Variants in CPB2 observed in about 807,000 individuals in gnomAD.
The protein encoded by CPB2 is carboxypeptidase B-like protein.
In CPB2, 54 loss-of-function variants were observed where a neutral mutation model predicts 57.0. The ratio of observed to expected loss-of-function variants is 0.95; its 90% CI spans 0.76 to 1.19. CPB2 has a LOEUF of 1.19. CPB2 is among the 50% of genes most tolerant of loss of function. CPB2 has a pLI of 0.00. For missense variants in CPB2, 426 were observed against 512.0 expected (o/e 0.83, Z 1.62); for synonymous variants, 189 against 178.1 (o/e 1.06, Z -0.49).
intron 5 of CPB2, among the ~76,000 whole-genome samples, chr13:46,074,474 C>T (rs114929681): frequency 5.9e-5 from 9 of 152,250 alleles, no homozygotes; most frequent in African/African-American, 2.2e-4. Context: ...AAGAAGCACA[C>T]ATCTAACCTC....
chr13:46,090,479 C>T (rs2045276243), intron 1 of CPB2, among the ~76,000 whole-genome samples: 1 of 151,080 alleles, frequency 6.6e-6, no homozygotes, highest in Admixed American at 6.6e-5. Flanking sequence ...TCTCCTGACT[C>T]GGCCTCCTGA....
chr13:46,076,519 C>T (rs898719960), intron 5 of CPB2, among the ~76,000 whole-genome samples: 8 of 151,962 alleles, frequency 5.3e-5, no homozygotes, highest in South Asian at 2.1e-4. Context: ...CTCATGCTCA[C>T]GGGCTTAAGA....
rs769659242 is a variant in CPB2 at position 46,058,380 on chromosome 13, C to T, written c.798G>A (p.Glu266=). The change falls in exon 9 of 11, where the codon GAG becomes GAA. Residue 266 remains glutamate, a splice_region_variant and synonymous_variant. Transcript: ENST00000181383. The part of the protein sequence containing the change: ...NRNFASKHWC[E]EGASSSSCSE... ...AGCATGAGGAACTGGATGCACCTTC[C>T]TCTGTAACGAAATTGTTAAGGTGAA... The T allele has an allele frequency of 5.6e-6, 9 of 1,613,810 alleles. No homozygotes were observed. The Admixed American group carries it at 1.2e-4, about 21-fold the overall frequency.
In CPB2 at chr13:46,096,060, T is replaced by C. The variant is rs550078828; in HGVS notation, c.75-8240A>G. Among the ~76,000 whole-genome samples the C allele has an allele frequency of 9.2e-5, 14 of 151,918 alleles. No homozygotes were observed. In the East Asian group the frequency reaches 2.7e-3, roughly 30 times the overall value. On this transcript the variant is annotated intron_variant, in intron 1 of 10. Coordinates refer to ENST00000181383, the MANE Select transcript of CPB2 (RefSeq NM_001872.5). The stretch of plus-strand genomic sequence containing the variant: ...CACACCTGGCTAATTTTTGTATTTT[T>C]AGTAAAAACGGGGATTCACCATATT...
rs149601293 is a variant in CPB2, at chr13:46,084,846, A to T, written c.151-503T>A. Among the ~76,000 whole-genome samples the T allele has an allele frequency of 1.3e-3, 196 of 149,188 alleles. No individual in the cohort carries two copies. The East Asian group carries it at 0.015, about 12-fold the overall frequency. Reference sequence around the variant, plus strand: ...GTGCTTTTTATTTATTTATTTATTTATTTTTTATTTTTTATTTTTTTTTTG... The same window carrying T: ...GTGCTTTTTATTTATTTATTTATTTTTTTTTTATTTTTTATTTTTTTTTTG... On this transcript the variant is annotated intron_variant, in intron 2 of 10. Coordinates refer to ENST00000181383, the MANE Select transcript of CPB2 (RefSeq NM_001872.5).
chr13:46,074,266 G>C (rs2044987592), intron 5 of CPB2, among the ~76,000 whole-genome samples: 1 of 152,192 alleles, frequency 6.6e-6, no homozygotes, highest in African/African-American at 2.4e-5. Flanking sequence ...AGAGCTGCAT[G>C]TGGAAGTTTC....
chr13:46,082,774 G>T (rs1440981029), intron 3 of CPB2, among the ~76,000 whole-genome samples: 1 of 152,092 alleles, frequency 6.6e-6, no homozygotes. Flanking sequence ...GCTCCTATTA[G>T]GTATACTTTC....
At chr13:46,093,605 T>C (rs1320720754) in intron 1 of CPB2, among the ~76,000 whole-genome samples, 1 of 150,122 alleles carries the variant, frequency 6.7e-6, no homozygotes, top group Non-Finnish European at 1.5e-5. Flanking sequence ...AAGCAAGATA[T>C]GGAGAACTTT....
chr13:46,086,204 T>G (rs1040521920), intron 2 of CPB2, among the ~76,000 whole-genome samples: 5 of 152,092 alleles, frequency 3.3e-5, no homozygotes, highest in Non-Finnish European at 7.4e-5. Flanking sequence ...AGGCTGCAGC[T>G]CTTCTCTCCT....
In CPB2 at chr13:46,058,262, A is replaced by G. The variant is rs759509065; in HGVS notation, c.916T>C (p.Tyr306His). 1.3e-5 allele frequency: 21 copies of G among 1,614,094 alleles called. No homozygotes were observed. The highest frequency in any genetic ancestry group is 2.2e-5 in the East Asian group (1 of 44,882). The change falls in exon 9 of 11, where the codon TAC (tyrosine) becomes CAC (histidine). Residue 306 changes from tyrosine to histidine, a missense_variant. Tyr to His is a moderately conservative substitution (Grantham distance 83, BLOSUM62 2). Transcript: ENST00000181383. The part of the protein sequence containing the change: ...LRRNINQIKA[Y>H]ISMHSYSQHI... ...TGGGAGTATGAATGCATGCTGATGT[A>G]TGCTTTAATCTGGTTGATATTTCTT...
intron 2 of CPB2, among the ~76,000 whole-genome samples, chr13:46,086,855 G>T (rs1270272846): frequency 6.6e-6 from 1 of 152,202 alleles, no homozygotes; most frequent in African/African-American, 2.4e-5. Flanking sequence ...GGCAGCAGGG[G>T]GCTAGCATGT....
At chr13:46,092,157 C>T (rs545822913) in intron 1 of CPB2, among the ~76,000 whole-genome samples, 1 of 152,194 alleles carries the variant, frequency 6.6e-6, no homozygotes, top group East Asian at 1.9e-4. Context: ...TAAAACTAAT[C>T]TTAGACTTTG....
At chr13:46,073,438 C>G (rs1442166737) in intron 6 of CPB2, 3 of 965,500 alleles carry the variant, frequency 3.1e-6, no homozygotes, top group Non-Finnish European at 3.7e-6. Flanking sequence ...AAAACATATT[C>G]TGTTTCACCT....
At position 46,084,315 on chromosome 13, in the gene CPB2, T is replaced by C. The variant is rs574629493; in HGVS notation, c.179A>G (p.Asp60Gly). The change falls in exon 3 of 11, where the codon GAC (aspartate) becomes GGC (glycine). Residue 60 changes from aspartate to glycine, a missense_variant. Coordinates refer to ENST00000181383, the MANE Select transcript of CPB2 (RefSeq NM_001872.5). ...EIVLWQPVTA[D>G]LIVKKKQVHF... ...GACTTGTTTTTTCTTCACAATAAGGTCAGCTGTTACCGGCTGCCAGAGAAC... is the reference window on the plus strand; with the variant it reads ...GACTTGTTTTTTCTTCACAATAAGGCCAGCTGTTACCGGCTGCCAGAGAAC... The C allele has an allele frequency of 1.2e-5, 20 of 1,614,022 alleles. No homozygotes were observed. The highest frequency in any genetic ancestry group is 1.4e-5 in the Non-Finnish European group (17 of 1,180,036).
chr13:46,097,702 A>G (rs2045385065), intron 1 of CPB2, among the ~76,000 whole-genome samples: 1 of 152,188 alleles, frequency 6.6e-6, no homozygotes, highest in African/African-American at 2.4e-5. Flanking sequence ...TTGGAAGGCA[A>G]CATCCTCCAG....
At chr13:46,084,662 A>C (rs761690242) in intron 2 of CPB2, among the ~76,000 whole-genome samples, 1 of 152,134 alleles carries the variant, frequency 6.6e-6, no homozygotes, top group Non-Finnish European at 1.5e-5. Flanking sequence ...GCATGTGTAC[A>C]TCAGATATTT....
rs746176688 is a variant in CPB2, at chr13:46,082,498, G to A, written c.327C>T (p.Asp109=). Residue 109 remains aspartate (D), a synonymous_variant, in exon 4 of 11, where the codon GAC becomes GAT. Coordinates refer to ENST00000181383, the MANE Select transcript of CPB2 (RefSeq NM_001872.5). ...EDLIQQQISN[D]TVSPRASASY... ...ATGCGGAGGCTCGGGGGCTGACTGTGTCGTTGGAAATCTGCTGTTGAATAA... is the reference window on the plus strand; with the variant it reads ...ATGCGGAGGCTCGGGGGCTGACTGTATCGTTGGAAATCTGCTGTTGAATAA... 26 of 1,613,824 alleles carry A rather than the reference G, an allele frequency of 1.6e-5. No homozygotes were observed. The highest frequency in any genetic ancestry group is 1.9e-5 in the Non-Finnish European group (23 of 1,179,772).
At chr13:46,074,451 T>C (rs1650251214) in intron 5 of CPB2, among the ~76,000 whole-genome samples, 1 of 152,160 alleles carries the variant, frequency 6.6e-6, no homozygotes, top group South Asian at 2.1e-4. Flanking sequence ...ATTATTTCTT[T>C]ATTTCACACA....
At chr13:46,077,663 T>C (rs1219454554) in intron 5 of CPB2, among the ~76,000 whole-genome samples, 1 of 149,722 alleles carries the variant, frequency 6.7e-6, no homozygotes, top group Non-Finnish European at 1.5e-5. Context: ...AGTCAAGATA[T>C]AGAATCAACC....
Sources: allele counts gnomAD v4.1 joint callset (sites outside exome capture counted in the v4.1 genomes callset), GRCh38; gene constraint gnomAD v4.1.1; transcripts MANE v1.5; gene names NCBI Gene and HGNC (gene_info 2026-07-23, HGNC 2026-07-21).